Variants in PLXDC2 observed in about 807,000 individuals in gnomAD.
PLXDC2 encodes the protein plexin domain containing 2.
PLXDC2 carries 40 observed loss-of-function variants against 68.9 expected under a neutral mutation model. That is an observed-to-expected ratio of 0.58 (90% confidence interval 0.45 to 0.76). PLXDC2 has a LOEUF of 0.76. PLXDC2 is among the 30% of genes least tolerant of loss of function. PLXDC2 has a pLI of 0.00. For synonymous variants in PLXDC2, 243 were observed against 234.2 expected, an observed-to-expected ratio of 1.04 and a Z score of -0.34; for missense variants, 644 against 661.9, an observed-to-expected ratio of 0.97 and a Z score of 0.30.
chr10:19,953,500 T>A (rs986960679), intron 1 of PLXDC2, among the ~76,000 whole-genome samples: 2 of 152,338 alleles, frequency 1.3e-5, no homozygotes, highest in East Asian at 1.9e-4. Flanking sequence ...AACACCTTTT[T>A]GTTTTGAACA....
intron 4 of PLXDC2, among the ~76,000 whole-genome samples, chr10:20,134,155 G>A (rs1272636403): frequency 1.3e-5 from 2 of 152,018 alleles, no homozygotes; most frequent in African/African-American, 2.4e-5. Flanking sequence ...TTCTCCTGTA[G>A]CTCACTCAGC....
At chr10:20,067,562 C>T (rs562772734) in intron 3 of PLXDC2, among the ~76,000 whole-genome samples, 3 of 152,026 alleles carry the variant, frequency 2.0e-5, no homozygotes, top group Non-Finnish European at 4.4e-5. Context: ...TGGCTGGCAC[C>T]TGTAATCCCA....
chr10:20,215,983 A>G (rs536868479), intron 10 of PLXDC2, among the ~76,000 whole-genome samples: 2 of 152,184 alleles, frequency 1.3e-5, no homozygotes, highest in African/African-American at 4.8e-5. Context: ...CCTGCTAAGG[A>G]TGCAGGAGAT....
At chr10:20,263,469 A>G (rs1313247353) in intron 13 of PLXDC2, among the ~76,000 whole-genome samples, 2 of 152,180 alleles carry the variant, frequency 1.3e-5, no homozygotes, top group African/African-American at 2.4e-5. Context: ...CAACAAAGAC[A>G]CCAAAAGCAA....
intron 1 of PLXDC2, among the ~76,000 whole-genome samples, chr10:19,985,328 G>A (rs1456807566): frequency 2.0e-5 from 3 of 152,090 alleles, no homozygotes; most frequent in Non-Finnish European, 2.9e-5. Context: ...AGGAAAATGG[G>A]GATAGAACAA....
intron 1 of PLXDC2, among the ~76,000 whole-genome samples, chr10:19,873,022 G>A (rs1275909590): frequency 1.3e-5 from 2 of 152,116 alleles, no homozygotes; most frequent in African/African-American, 2.4e-5. Flanking sequence ...CCAAAGAATT[G>A]TTTTGACAGG....
At position 20,072,087 on chromosome 10, in the gene PLXDC2, C is replaced by G. The variant is rs1564304472; in HGVS notation, c.541+3848C>G. On this transcript the variant is annotated intron_variant, in intron 4 of 13. Transcript: ENST00000377252. ...TCTTGCCGGTCATGGTGGCTCATGC[C>G]TGTAATCTCAGCACTTTAGGAGGCC... Among the ~76,000 whole-genome samples, 3 of 152,174 alleles carry G rather than the reference C, an allele frequency of 2.0e-5. No individual in the cohort carries two copies. In the South Asian group the frequency reaches 6.2e-4, roughly 32 times the overall value.
At chr10:20,025,452 G>A (rs1589592975) in intron 2 of PLXDC2, among the ~76,000 whole-genome samples, 2 of 152,002 alleles carry the variant, frequency 1.3e-5, no homozygotes, top group Middle Eastern at 3.4e-3. Context: ...AGTAAAGACA[G>A]GGTTTCTCCT....
intron 1 of PLXDC2, among the ~76,000 whole-genome samples, chr10:19,974,117 GATC>G: frequency 6.6e-6 from 1 of 152,318 alleles, no homozygotes; most frequent in African/African-American, 2.4e-5. Context: ...CTTTGATAGA[GATC>G]ATCAATAGTT....
intron 1 of PLXDC2, among the ~76,000 whole-genome samples, chr10:19,935,582 G>A (rs1833709117): frequency 6.6e-6 from 1 of 152,162 alleles, no homozygotes; most frequent in Non-Finnish European, 1.5e-5. Flanking sequence ...CCCATCAGTG[G>A]TTAGCAAGAG....
At chr10:20,179,136 A>G (rs1183639376) in intron 9 of PLXDC2, among the ~76,000 whole-genome samples, 1 of 152,110 alleles carries the variant, frequency 6.6e-6, no homozygotes, top group African/African-American at 2.4e-5. Flanking sequence ...AATAGGAGGC[A>G]CTGGTTTGAG....
chr10:20,152,588 A>G (rs1159987802), intron 6 of PLXDC2, among the ~76,000 whole-genome samples: 1 of 152,120 alleles, frequency 6.6e-6, no homozygotes. Context: ...TGTTCATTAT[A>G]ATGCATTTTT....
chr10:20,146,488 T>TTTCCTTCCTTCCTTCC (rs34150409), intron 5 of PLXDC2, among the ~76,000 whole-genome samples: 5,164 of 81,278 alleles, frequency 0.064, 306 homozygotes, highest in African/African-American at 0.075. Context: ...TTCTTTTCTT[T>TTTCCTTCCTTCCTTCC]TTCCTTCCTT....
rs1836366110 is a variant in PLXDC2 at position 19,817,151 on chromosome 10, G to A, written c.72G>A (p.Gln24=). The A allele has an allele frequency of 1.9e-6, 3 of 1,575,980 alleles. No individual in the cohort carries two copies. In the African/African-American group the frequency reaches 4.1e-5, roughly 21 times the overall value. ...VMLLCHFFTD[Q]FQFADGKPGD... ...TACTTTGCCACTTCTTCACGGACCA[G>A]TTTCAGTTCGCCGATGGGAAACCCG... Residue 24 remains glutamine (Q), a synonymous_variant, in exon 1 of 14, where the codon CAG becomes CAA. Transcript: ENST00000377252.
At chr10:19,871,190 A>G (rs751396417) in intron 1 of PLXDC2, among the ~76,000 whole-genome samples, 4 of 152,210 alleles carry the variant, frequency 2.6e-5, no homozygotes, top group Non-Finnish European at 4.4e-5. Flanking sequence ...TTTTCTTCCT[A>G]AAGAACAGCA....
intron 13 of PLXDC2, among the ~76,000 whole-genome samples, chr10:20,246,029 T>G (rs921776871): frequency 1.3e-5 from 2 of 152,268 alleles, no homozygotes; most frequent in African/African-American, 4.8e-5. Context: ...TGTTGCCATT[T>G]TGCATAATGT....
intron 9 of PLXDC2, among the ~76,000 whole-genome samples, chr10:20,206,966 G>A (rs998795229): frequency 6.6e-6 from 1 of 152,030 alleles, no homozygotes; most frequent in Non-Finnish European, 1.5e-5. Context: ...ATATCAAGGT[G>A]TCTTTTCCTA....
intron 1 of PLXDC2, among the ~76,000 whole-genome samples, chr10:19,981,156 A>G (rs778840827): frequency 2.0e-5 from 3 of 152,218 alleles, no homozygotes; most frequent in Admixed American, 6.5e-5. Flanking sequence ...AATCTTCAAT[A>G]GTTGAATCTT....
intron 1 of PLXDC2, among the ~76,000 whole-genome samples, chr10:19,902,736 G>C (rs754302949): frequency 6.6e-6 from 1 of 152,174 alleles, no homozygotes; most frequent in African/African-American, 2.4e-5. Flanking sequence ...AGTGGTGAAA[G>C]TTGGCATCCT....
Sources: gnomAD v4.1 joint callset for allele counts (sites outside exome capture counted in the v4.1 genomes callset) on GRCh38, gnomAD v4.1.1 for gene constraint, MANE v1.5 for transcripts, NCBI Gene and HGNC (gene_info 2026-07-23, HGNC 2026-07-21) for gene names.